GFRA1: variants seen among roughly 807,000 people sequenced by gnomAD.
GFRA1 encodes the protein GDNF family receptor alpha-1.
A neutral mutation model predicts 51.6 loss-of-function variants in GFRA1; 16 were observed. That is an observed-to-expected ratio of 0.31 (90% confidence interval 0.21 to 0.47). GFRA1 has a LOEUF of 0.47. Ranked by LOEUF, GFRA1 falls within the 20% of genes least tolerant of loss-of-function variation. GFRA1 has a pLI of 1.00. For missense variants in GFRA1, 530 were observed against 594.3 expected (o/e 0.89, Z 1.13); for synonymous variants, 270 against 241.3 (o/e 1.12, Z -1.10).
At chr10:116,206,834 G>A (rs574454526) in intron 5 of GFRA1, among the ~76,000 whole-genome samples, 20 of 151,646 alleles carry the variant, frequency 1.3e-4, no homozygotes, top group Admixed American at 3.3e-4. Context: ...GGGTTTCACC[G>A]TGCTAGCCAG....
intron 6 of GFRA1, among the ~76,000 whole-genome samples, chr10:116,114,012 GCCC>G (rs1957314059): frequency 6.6e-6 from 1 of 152,144 alleles, no homozygotes; most frequent in South Asian, 2.1e-4. Flanking sequence ...GAGCAACTCT[GCCC>G]CCGGGTGTGG....
chr10:116,161,877 A>G (rs1387989718), intron 5 of GFRA1, among the ~76,000 whole-genome samples: 4 of 152,264 alleles, frequency 2.6e-5, no homozygotes. Flanking sequence ...CATTTGTGCA[A>G]AAGAAAAAAT....
intron 5 of GFRA1, among the ~76,000 whole-genome samples, chr10:116,170,170 G>C (rs902117308): frequency 6.6e-5 from 10 of 152,196 alleles, no homozygotes; most frequent in African/African-American, 2.4e-4. Flanking sequence ...GGAAGTATAG[G>C]ACAGGAAGAG....
chr10:116,167,865 T>G (rs898874933), intron 5 of GFRA1, among the ~76,000 whole-genome samples: 1 of 152,122 alleles, frequency 6.6e-6, no homozygotes, highest in Non-Finnish European at 1.5e-5. Context: ...TCAGCCTTCA[T>G]GTCAAGTGCA....
At chr10:116,206,992 G>A (rs1033964845) in intron 5 of GFRA1, among the ~76,000 whole-genome samples, 2 of 152,148 alleles carry the variant, frequency 1.3e-5, no homozygotes, top group African/African-American at 4.8e-5. Flanking sequence ...CTTTCACCCA[G>A]GTTATCTAGT....
At chr10:116,113,499 C>A (rs1436506448) in intron 6 of GFRA1, among the ~76,000 whole-genome samples, 1 of 152,180 alleles carries the variant, frequency 6.6e-6, no homozygotes, top group Non-Finnish European at 1.5e-5. Flanking sequence ...ATCCAAAGGT[C>A]CCTTACTTTA....
chr10:116,065,664 AC>A, intron 9 of GFRA1, 38 bp from the exon 10 acceptor site: 1 of 1,535,136 alleles, frequency 6.5e-7, no homozygotes. Flanking sequence ...CAAACATAAT[AC>A]AGAAGAGTAA....
At chr10:116,092,400 T>C (rs1326163875) in intron 8 of GFRA1, among the ~76,000 whole-genome samples, 1 of 151,892 alleles carries the variant, frequency 6.6e-6, no homozygotes, top group African/African-American at 2.4e-5. Flanking sequence ...ACAAAAGCTT[T>C]TGTGTGTGTG....
intron 5 of GFRA1, among the ~76,000 whole-genome samples, chr10:116,186,002 A>T (rs545500347): frequency 1.3e-5 from 2 of 152,090 alleles, no homozygotes; most frequent in East Asian, 3.9e-4. Context: ...ATTTTACTTT[A>T]TTATTTTTGG....
intron 4 of GFRA1, among the ~76,000 whole-genome samples, chr10:116,253,751 G>A (rs560675911): frequency 6.6e-6 from 1 of 152,214 alleles, no homozygotes; most frequent in African/African-American, 2.4e-5. Context: ...AATACAAAGG[G>A]TGCTTAGGCC....
At chr10:116,190,493 A>T (rs1226145257) in intron 5 of GFRA1, among the ~76,000 whole-genome samples, 3 of 152,206 alleles carry the variant, frequency 2.0e-5, no homozygotes, top group African/African-American at 7.2e-5. Context: ...GCTCCCCTAA[A>T]GGTACAGGCC....
intron 5 of GFRA1, among the ~76,000 whole-genome samples, chr10:116,194,374 G>A (rs1022057299): frequency 5.9e-5 from 9 of 152,096 alleles, no homozygotes; most frequent in Admixed American, 2.6e-4. Context: ...ACCTTGCTGG[G>A]TCAACTATAA....
At chr10:116,244,384 T>A (rs1266134152) in intron 4 of GFRA1, among the ~76,000 whole-genome samples, 1 of 146,914 alleles carries the variant, frequency 6.8e-6, no homozygotes, top group Non-Finnish European at 1.5e-5. Context: ...AATTTAATTT[T>A]ATTTCATTTA....
intron 4 of GFRA1, among the ~76,000 whole-genome samples, chr10:116,242,166 G>A (rs2134637741): frequency 6.6e-6 from 1 of 152,134 alleles, no homozygotes; most frequent in South Asian, 2.1e-4. Context: ...TTCTTGTTTA[G>A]ACACAGTCTG....
At chr10:116,124,196 C>T (rs561412550) in intron 6 of GFRA1, among the ~76,000 whole-genome samples, 8 of 151,752 alleles carry the variant, frequency 5.3e-5, no homozygotes, top group African/African-American at 1.7e-4. Context: ...TGAGCCACCG[C>T]GCCAGGCCTG....
chr10:116,125,603 G>C (rs1403917562), intron 5 of GFRA1, 46 bp from the exon 6 acceptor site: 1 of 1,437,358 alleles, frequency 7.0e-7, no homozygotes, highest in African/African-American at 1.4e-5. Context: ...GCTCGGCTCT[G>C]TGTTCTCACC....
Position 116,272,077 on chromosome 10 carries a change from C to G in GFRA1, c.-48G>C, listed in dbSNP as rs746768461. The G allele has an allele frequency of 8.1e-6, 12 of 1,489,534 alleles. No individual in the cohort carries two copies. The East Asian group carries it at 2.5e-4, about 31-fold the overall frequency. The allele number at this position is 1,489,534 out of a possible 1,614,324, so 92.3% of individuals were successfully genotyped here. A position where few individuals can be genotyped will look rare whatever the true frequency, so the allele number is the denominator to read the frequency against. ...CCGCCCCCCCAAAAAAATCCCGAGC[C>G]GCCGCTGGGTCTTGCCGAGGGAGCT... On this transcript the variant is annotated 5_prime_UTR_variant, in exon 2 of 11. Transcript: ENST00000355422. The surrounding 1 kb of genome is among the most constrained non-coding windows in gnomAD (Gnocchi z 4.4).
intron 4 of GFRA1, among the ~76,000 whole-genome samples, chr10:116,249,174 T>C (rs1381601223): frequency 6.6e-6 from 1 of 152,208 alleles, no homozygotes; most frequent in Admixed American, 6.5e-5. Flanking sequence ...GGATTTTCTA[T>C]GTATTTGTGT....
At chr10:116,153,535 C>T (rs1565613977) in intron 5 of GFRA1, among the ~76,000 whole-genome samples, 1 of 152,224 alleles carries the variant, frequency 6.6e-6, no homozygotes, top group African/African-American at 2.4e-5. Flanking sequence ...TAAACCACCA[C>T]TGCCTTAAAA....
Sources: allele counts gnomAD v4.1 joint callset (sites outside exome capture counted in the v4.1 genomes callset), GRCh38; gene constraint gnomAD v4.1.1; non-coding constraint Gnocchi (gnomAD v3.1); transcripts MANE v1.5; gene names NCBI Gene and HGNC (gene_info 2026-07-23, HGNC 2026-07-21).